PLD5: variants seen among roughly 807,000 people sequenced by gnomAD.
PLD5 encodes the protein phospholipase D family member 5, also known as inactive phospholipase D5.
A neutral mutation model predicts 61.1 loss-of-function variants in PLD5; 36 were observed. The ratio of observed to expected loss-of-function variants is 0.59; its 90% CI spans 0.45 to 0.78. The LOEUF (loss-of-function observed/expected upper bound fraction) is 0.78, where lower values mean the gene tolerates loss of function less well. Among genes scored for constraint, PLD5 ranks in the 30% least tolerant of loss-of-function variants. PLD5 has a pLI of 0.00. For synonymous variants in PLD5, 243 were observed against 242.8 expected (o/e 1.00, Z -0.01); for missense variants, 515 against 644.4 (o/e 0.80, Z 2.17).
chr1:242,303,636 A>G (rs1284414935), intron 2 of PLD5, among the ~76,000 whole-genome samples: 1 of 152,108 alleles, frequency 6.6e-6, no homozygotes, highest in Non-Finnish European at 1.5e-5. Flanking sequence ...ACATTTTTGG[A>G]TTCAAGTTGC....
At chr1:242,321,189 C>A (rs1268023542) in intron 2 of PLD5, among the ~76,000 whole-genome samples, 2 of 152,018 alleles carry the variant, frequency 1.3e-5, no homozygotes, top group Non-Finnish European at 2.9e-5. Context: ...TAAATTGATG[C>A]AGCCAGGCCT....
chr1:242,098,944 C>G (rs1268008938), intron 9 of PLD5, among the ~76,000 whole-genome samples: 1 of 152,098 alleles, frequency 6.6e-6, no homozygotes, highest in South Asian at 2.1e-4. Context: ...GAGTACCCCA[C>G]CGTGTGAGGT....
chr1:242,503,215 G>A (rs564085329), intron 1 of PLD5, among the ~76,000 whole-genome samples: 24 of 152,212 alleles, frequency 1.6e-4, no homozygotes, highest in South Asian at 1.5e-3. Context: ...TCAGGATCAC[G>A]GGCACAGATC....
At chr1:242,169,888 T>G (rs1666615418) in intron 5 of PLD5, among the ~76,000 whole-genome samples, 1 of 152,020 alleles carries the variant, frequency 6.6e-6, no homozygotes, top group Non-Finnish European at 1.5e-5. Flanking sequence ...TCTAGATATC[T>G]CCTCTCTGGG....
At chr1:242,481,995 G>A (rs1420376689) in intron 1 of PLD5, among the ~76,000 whole-genome samples, 1 of 152,178 alleles carries the variant, frequency 6.6e-6, no homozygotes, top group African/African-American at 2.4e-5. Flanking sequence ...TGCAGCTGAG[G>A]GTCCTGATTG....
intron 1 of PLD5, among the ~76,000 whole-genome samples, chr1:242,401,677 G>A (rs1423521829): frequency 6.6e-6 from 1 of 152,148 alleles, no homozygotes. Context: ...ACACTTCACT[G>A]TTCTGATCTC....
chr1:242,175,680 G>C (rs1025184059), intron 5 of PLD5, among the ~76,000 whole-genome samples: 1 of 152,184 alleles, frequency 6.6e-6, no homozygotes, highest in African/African-American at 2.4e-5. Flanking sequence ...CAGATGACAT[G>C]ATTGTATATT....
At chr1:242,500,809 A>G (rs1668529971) in intron 1 of PLD5, among the ~76,000 whole-genome samples, 2 of 152,174 alleles carry the variant, frequency 1.3e-5, no homozygotes, top group South Asian at 4.1e-4. Context: ...GCAAGACTCC[A>G]TTCAGGAGAG....
chr1:242,209,023 A>T (rs1402883484), intron 5 of PLD5: 1 of 152,210 alleles, frequency 6.6e-6, no homozygotes, highest in Non-Finnish European at 1.5e-5. Context: ...ATTCGTTTGA[A>T]AAGTATAAAT....
chr1:242,255,413 G>A (rs1481470461), intron 4 of PLD5, among the ~76,000 whole-genome samples: 2 of 152,318 alleles, frequency 1.3e-5, no homozygotes, highest in East Asian at 3.9e-4. Context: ...CTGATTTGGA[G>A]TAAGCTGTTC....
intron 1 of PLD5, among the ~76,000 whole-genome samples, chr1:242,427,146 G>C (rs1458073061): frequency 6.6e-6 from 1 of 152,120 alleles, no homozygotes; most frequent in African/African-American, 2.4e-5. Flanking sequence ...CTGATATTTT[G>C]AGTTTTATAT....
At chr1:242,278,686 T>C (rs1674548663) in intron 3 of PLD5, among the ~76,000 whole-genome samples, 1 of 152,222 alleles carries the variant, frequency 6.6e-6, no homozygotes, top group African/African-American at 2.4e-5. Context: ...TTTATGTTTG[T>C]CTGTCTCCCT....
At chr1:242,181,876 C>A (rs1020201932) in intron 5 of PLD5, among the ~76,000 whole-genome samples, 2 of 152,150 alleles carry the variant, frequency 1.3e-5, no homozygotes, top group African/African-American at 4.8e-5. Flanking sequence ...CTCTTGACCT[C>A]ATGATCCACC....
intron 4 of PLD5, among the ~76,000 whole-genome samples, chr1:242,246,358 CCT>C (rs1485761104): frequency 2.0e-5 from 3 of 152,014 alleles, no homozygotes; most frequent in African/African-American, 4.8e-5. Context: ...AGAGCCAGAC[CCT>C]GTCTCCAATA....
At chr1:242,289,351 C>T (rs1675218495) in intron 2 of PLD5, among the ~76,000 whole-genome samples, 1 of 151,836 alleles carries the variant, frequency 6.6e-6, no homozygotes, top group Admixed American at 6.6e-5. Context: ...GTATATTCTC[C>T]CGCAATTCTT....
intron 4 of PLD5, among the ~76,000 whole-genome samples, chr1:242,231,076 C>T (rs943502469): frequency 6.6e-5 from 10 of 152,112 alleles, no homozygotes; most frequent in Non-Finnish European, 1.5e-5. Context: ...AGTAATATTG[C>T]CTCAATTATG....
At position 242,089,939 on chromosome 1, in the gene PLD5, T is replaced by A. The variant is rs1659692218; in HGVS notation, c.1526A>T (p.Asn509Ile). The change falls in exon 10 of 10, where the codon AAC becomes ATC. Residue 509 changes from asparagine to isoleucine, a missense_variant. Transcript: ENST00000536534. ...AKTLQPTKQP[N>I]CSSLFKLKPL... The stretch of plus-strand genomic sequence containing the variant: ...TTTGAGTTTGAACAGGCTTGAGCAG[T>A]TCGGCTGTTTGGTTGGCTGTAAGGT... The A allele has an allele frequency of 6.2e-7, 1 of 1,614,120 alleles. No individual in the cohort carries two copies. Among genetic ancestry groups the A allele is most frequent in the Non-Finnish European group, 8.5e-7 (1 of 1,180,062 alleles).
At chr1:242,328,109 A>C (rs1229393577) in intron 2 of PLD5, among the ~76,000 whole-genome samples, 1 of 152,182 alleles carries the variant, frequency 6.6e-6, no homozygotes, top group Non-Finnish European at 1.5e-5. Flanking sequence ...AAAAAACTTT[A>C]ACAAGGAATA....
chr1:242,502,115 C>T (rs1408724748), intron 1 of PLD5, among the ~76,000 whole-genome samples: 1 of 152,128 alleles, frequency 6.6e-6, no homozygotes, highest in African/African-American at 2.4e-5. Flanking sequence ...GTCTGCAACC[C>T]AACCCAGCTG....
Sources: allele counts gnomAD v4.1 joint callset (sites outside exome capture counted in the v4.1 genomes callset), GRCh38; gene constraint gnomAD v4.1.1; transcripts MANE v1.5; gene names NCBI Gene and HGNC (gene_info 2026-07-23, HGNC 2026-07-21).